Variants in CPED1 observed in about 807,000 individuals in gnomAD.
CPED1 encodes the protein cadherin like and PC-esterase domain containing 1, also known as cadherin-like and PC-esterase domain-containing protein 1.
In CPED1, 114 loss-of-function variants were observed where a neutral mutation model predicts 128.2. The ratio of observed to expected loss-of-function variants is 0.89; its 90% CI spans 0.76 to 1.04. The LOEUF (loss-of-function observed/expected upper bound fraction) is 1.04. Ranked by LOEUF, CPED1 falls within the 50% of genes least tolerant of loss-of-function variation. CPED1 has a pLI of 0.00. For synonymous variants in CPED1, 462 were observed against 426.7 expected, an observed-to-expected ratio of 1.08 and a Z score of -1.02; for missense variants, 1,211 against 1,207.1, an observed-to-expected ratio of 1.00 and a Z score of -0.05.
At chr7:121,017,161 CA>C (rs952805072) in intron 3 of CPED1, among the ~76,000 whole-genome samples, 24 of 152,282 alleles carry the variant, frequency 1.6e-4, no homozygotes, top group Admixed American at 1.6e-3. Context: ...TTAAAATACG[CA>C]GAGCCTGGAT....
intron 2 of CPED1, among the ~76,000 whole-genome samples, chr7:120,999,319 A>G (rs1238834366): frequency 6.6e-6 from 1 of 152,204 alleles, no homozygotes; most frequent in Non-Finnish European, 1.5e-5. Context: ...TTGATTAATT[A>G]ACTATCATTG....
intron 3 of CPED1, among the ~76,000 whole-genome samples, chr7:121,027,640 C>T (rs1241320552): frequency 6.6e-6 from 1 of 151,790 alleles, no homozygotes; most frequent in African/African-American, 2.4e-5. Flanking sequence ...TCCCCCTACC[C>T]CTAGTGAAGT....
At chr7:121,263,577 A>G (rs2116740062) in intron 18 of CPED1, among the ~76,000 whole-genome samples, 1 of 152,148 alleles carries the variant, frequency 6.6e-6, no homozygotes, top group African/African-American at 2.4e-5. Flanking sequence ...AATAAATAAT[A>G]GTACCTAAGA....
At chr7:121,142,320 T>C (rs1795924458) in intron 16 of CPED1, among the ~76,000 whole-genome samples, 179 bp downstream of exon 16, 1 of 152,032 alleles carries the variant, frequency 6.6e-6, no homozygotes, top group African/African-American at 2.4e-5. Context: ...GTGAGTGATT[T>C]TCTTTTTAGT....
chr7:121,172,400 T>G (rs1434131567), intron 16 of CPED1, among the ~76,000 whole-genome samples: 1 of 152,052 alleles, frequency 6.6e-6, no homozygotes, highest in Non-Finnish European at 1.5e-5. Flanking sequence ...TTTTTTATTT[T>G]GATGTGGAAC....
At chr7:121,118,694 CG>C (rs764478481) in intron 7 of CPED1, among the ~76,000 whole-genome samples, 3 of 152,074 alleles carry the variant, frequency 2.0e-5, no homozygotes, top group African/African-American at 4.8e-5. Context: ...ATTGGCTCAC[CG>C]TCCTGCAGGT....
chr7:121,070,726 C>G (rs1793964318), intron 5 of CPED1, among the ~76,000 whole-genome samples: 1 of 152,146 alleles, frequency 6.6e-6, no homozygotes, highest in Non-Finnish European at 1.5e-5. Flanking sequence ...TTCTCCATCT[C>G]TACCATGACC....
chr7:121,117,077 T>TTATATAAA (rs1554437000), intron 7 of CPED1, among the ~76,000 whole-genome samples: 1 of 128,804 alleles, frequency 7.8e-6, no homozygotes, highest in Non-Finnish European at 1.6e-5. Context: ...TATATACACA[T>TTATATAAA]TATATATATA....
intron 3 of CPED1, among the ~76,000 whole-genome samples, chr7:121,018,433 G>A (rs1792359152): frequency 6.6e-6 from 1 of 152,096 alleles, no homozygotes; most frequent in South Asian, 2.1e-4. Flanking sequence ...AAGTTGAGCA[G>A]CCTGGGGGAA....
At chr7:121,225,238 A>AGTTT (rs1229663133) in intron 16 of CPED1, among the ~76,000 whole-genome samples, 4 of 152,184 alleles carry the variant, frequency 2.6e-5, no homozygotes, top group Non-Finnish European at 5.9e-5. Flanking sequence ...TATGAAGCTC[A>AGTTT]GTTTGACTGG....
intron 16 of CPED1, among the ~76,000 whole-genome samples, chr7:121,159,216 G>GGTAT (rs1796357514): frequency 6.6e-6 from 1 of 151,856 alleles, no homozygotes; most frequent in African/African-American, 2.4e-5. Flanking sequence ...CTTTTTATTG[G>GGTAT]GTATGTAAAA....
intron 2 of CPED1, among the ~76,000 whole-genome samples, chr7:121,010,602 A>T (rs760590175): frequency 6.6e-6 from 1 of 152,188 alleles, no homozygotes; most frequent in Non-Finnish European, 1.5e-5. Context: ...TCTTATTTGT[A>T]TATAAATCCA....
rs548324505 is a variant in CPED1 at position 121,160,856 on chromosome 7, AAGGTAGCTGAGCCTCTCAATGCTCC to A, written c.2055+18718_2055+18742del. ...GGCTTTTGATCAGGATCAGCTGGAA[AAGGTAGCTGAGCCTCTCAATGCTCC>A]AGACAACTGCCTCAACATCATGGCT... On this transcript the variant is annotated intron_variant, in intron 16 of 22. Transcript: ENST00000310396. 2.0e-3 allele frequency among the ~76,000 whole-genome samples: 299 copies of A among 152,224 alleles called. 3 individuals are homozygous for A. The highest frequency in any genetic ancestry group is 0.014 in the Middle Eastern group (4 of 294).
intron 17 of CPED1, among the ~76,000 whole-genome samples, chr7:121,239,767 G>A (rs1190464380): frequency 6.6e-6 from 1 of 152,106 alleles, no homozygotes; most frequent in Non-Finnish European, 1.5e-5. Context: ...CTGATTCACT[G>A]AAATGGCTGA....
intron 3 of CPED1, among the ~76,000 whole-genome samples, chr7:121,023,831 T>C (rs1194849367): frequency 1.3e-5 from 2 of 152,176 alleles, no homozygotes; most frequent in Non-Finnish European, 2.9e-5. Flanking sequence ...GAGTTTAATA[T>C]GCTCTATGAC....
intron 18 of CPED1, among the ~76,000 whole-genome samples, chr7:121,244,716 A>G (rs76035757): frequency 7.9e-5 from 12 of 152,310 alleles, no homozygotes; most frequent in African/African-American, 2.9e-4. Flanking sequence ...GTGAAAACAG[A>G]CATCTGCAGC....
chr7:121,240,589 G>T (rs1042949515), intron 17 of CPED1, among the ~76,000 whole-genome samples: 1 of 151,904 alleles, frequency 6.6e-6, no homozygotes, highest in Non-Finnish European at 1.5e-5. Flanking sequence ...CTACCAAAGA[G>T]GATGTGGGGC....
intron 5 of CPED1, among the ~76,000 whole-genome samples, chr7:121,065,704 T>C (rs887575329): frequency 1.3e-5 from 2 of 152,164 alleles, no homozygotes; most frequent in African/African-American, 4.8e-5. Context: ...ATTTTACATT[T>C]GCTTCTGTAA....
At chr7:120,994,583 G>A (rs565973537) in intron 2 of CPED1, among the ~76,000 whole-genome samples, 2 of 151,046 alleles carry the variant, frequency 1.3e-5, no homozygotes, top group African/African-American at 2.4e-5. Context: ...TGAAATAGCT[G>A]GATAGCCTGA....
Sources: gnomAD v4.1 joint callset for allele counts (sites outside exome capture counted in the v4.1 genomes callset) on GRCh38, gnomAD v4.1.1 for gene constraint, MANE v1.5 for transcripts, NCBI Gene and HGNC (gene_info 2026-07-23, HGNC 2026-07-21) for gene names.